The following ELMO1 variants were observed in gnomAD, a reference collection of about 807,000 sequenced individuals.
The protein encoded by ELMO1 is engulfment and cell motility 1.
A neutral mutation model predicts 98.9 loss-of-function variants in ELMO1; 26 were observed. The ratio of observed to expected loss-of-function variants is 0.26; its 90% CI spans 0.19 to 0.36. ELMO1 has a LOEUF of 0.36. Ranked by LOEUF, ELMO1 falls within the 10% of genes least tolerant of loss-of-function variation. The pLI is 1.00. For synonymous variants in ELMO1, 346 were observed against 346.0 expected, an observed-to-expected ratio of 1.00 and a Z score of 0.00; for missense variants, 627 against 935.2, an observed-to-expected ratio of 0.67 and a Z score of 4.30.
At chr7:36,933,331 A>G (rs538405724) in intron 16 of ELMO1, among the ~76,000 whole-genome samples, 22 of 152,306 alleles carry the variant, frequency 1.4e-4, no homozygotes, top group Non-Finnish European at 2.4e-4. Flanking sequence ...CCCAGACAGG[A>G]AGAACTAGTC....
chr7:37,113,877 G>C (rs1281414668), intron 14 of ELMO1, among the ~76,000 whole-genome samples: 2 of 152,192 alleles, frequency 1.3e-5, no homozygotes, highest in Non-Finnish European at 2.9e-5. Context: ...AAGCCAAAAA[G>C]GGAGGCCTCA....
At position 37,280,949 on chromosome 7, in the gene ELMO1, C is replaced by T. The variant is rs574519034; in HGVS notation, c.193-9067G>A. ...CACAATAGCAAAATCATGGAACCAA[C>T]CCAAATGCCCATCATCAACGAATGG... On this transcript the variant is annotated intron_variant, in intron 4 of 21. Coordinates refer to ENST00000310758, the MANE Select transcript of ELMO1 (RefSeq NM_014800.11). Among the ~76,000 whole-genome samples, 489 of 114,240 alleles carry T rather than the reference C, an allele frequency of 4.3e-3. 2 individuals are homozygous for T. Among genetic ancestry groups the T allele is most frequent in the Non-Finnish European group, 6.4e-3 (329 of 51,070 alleles). 74.9% of individuals were successfully genotyped at this position (114,240 alleles called of 152,430 possible).
At chr7:37,274,626 C>T (rs1400738571) in intron 4 of ELMO1, among the ~76,000 whole-genome samples, 1 of 152,150 alleles carries the variant, frequency 6.6e-6, no homozygotes, top group East Asian at 1.9e-4. Flanking sequence ...GATCTGGGCT[C>T]ACTGTAACCT....
chr7:36,917,973 AT>A (rs369519905), intron 16 of ELMO1, among the ~76,000 whole-genome samples: 1 of 152,362 alleles, frequency 6.6e-6, no homozygotes, highest in African/African-American at 2.4e-5. Flanking sequence ...CTTACTTTCT[AT>A]ATAGTCTATA....
At chr7:37,147,832 G>GA (rs34146164) in intron 13 of ELMO1, among the ~76,000 whole-genome samples, 8,543 of 133,240 alleles carry the variant, frequency 0.064, 308 homozygotes, top group East Asian at 0.14. Context: ...AGAAAAGTTG[G>GA]AAAAAAAAAA....
chr7:37,422,412 T>A (rs1030408382), intron 1 of ELMO1, among the ~76,000 whole-genome samples: 1 of 152,202 alleles, frequency 6.6e-6, no homozygotes, highest in African/African-American at 2.4e-5. Context: ...CCCCAAAAAA[T>A]CTGTGCTTCG....
At chr7:36,907,184 G>A (rs1784025486) in intron 16 of ELMO1, among the ~76,000 whole-genome samples, 1 of 152,104 alleles carries the variant, frequency 6.6e-6, no homozygotes, top group African/African-American at 2.4e-5. Flanking sequence ...CTTCATGAAG[G>A]CCAGGGACGA....
At chr7:37,302,482 T>C (rs866679425) in intron 4 of ELMO1, among the ~76,000 whole-genome samples, 27 of 152,188 alleles carry the variant, frequency 1.8e-4, no homozygotes, top group Middle Eastern at 3.4e-3. Context: ...ATTGCCACCA[T>C]GCTGTGGGGA....
At chr7:36,953,158 G>A (rs551991409) in intron 16 of ELMO1, among the ~76,000 whole-genome samples, 70 of 151,678 alleles carry the variant, frequency 4.6e-4, no homozygotes, top group Non-Finnish European at 8.1e-4. Context: ...AGTAGAGATG[G>A]GGTTTCACCA....
chr7:37,072,115 C>T (rs1051751169), intron 15 of ELMO1, among the ~76,000 whole-genome samples: 3 of 152,080 alleles, frequency 2.0e-5, no homozygotes, highest in Non-Finnish European at 4.4e-5. Context: ...TATAGGCTTT[C>T]GGCAATTCAA....
intron 4 of ELMO1, among the ~76,000 whole-genome samples, chr7:37,278,113 CTTTTTTTTT>C (rs36110041): frequency 1.2e-5 from 1 of 85,608 alleles, no homozygotes; most frequent in African/African-American, 4.7e-5. Context: ...ATAGCTTTTC[CTTTTTTTTT>C]TTTTTTTTTT....
intron 1 of ELMO1, among the ~76,000 whole-genome samples, chr7:37,399,503 C>T (rs1385205813): frequency 1.3e-5 from 2 of 152,186 alleles, no homozygotes; most frequent in Admixed American, 6.5e-5. Flanking sequence ...GCCCAGCACA[C>T]GCAGGGTGGG....
chr7:37,218,254 A>G (rs376213222), intron 10 of ELMO1, among the ~76,000 whole-genome samples: 2 of 152,246 alleles, frequency 1.3e-5, no homozygotes, highest in East Asian at 3.8e-4. Flanking sequence ...TATAAAATTT[A>G]AAGTTAGAAG....
chr7:36,995,506 CAA>C (rs370173470), intron 16 of ELMO1, among the ~76,000 whole-genome samples: 2 of 120,662 alleles, frequency 1.7e-5, no homozygotes, highest in African/African-American at 3.0e-5. Flanking sequence ...GACTCTGTCT[CAA>C]AAAAAAAAAA....
intron 15 of ELMO1, among the ~76,000 whole-genome samples, chr7:37,072,252 T>TC (rs1262095213): frequency 6.6e-6 from 1 of 152,116 alleles, no homozygotes; most frequent in Non-Finnish European, 1.5e-5. Flanking sequence ...CCCCCACAAT[T>TC]CCCGCGTGTT....
chr7:37,154,528 T>G (rs1446273754), intron 13 of ELMO1, among the ~76,000 whole-genome samples: 1 of 152,116 alleles, frequency 6.6e-6, no homozygotes, highest in Non-Finnish European at 1.5e-5. Context: ...TACACAAGCT[T>G]CAATAGCCGA....
chr7:37,434,001 C>G (rs1231719440), intron 1 of ELMO1, among the ~76,000 whole-genome samples: 2 of 152,016 alleles, frequency 1.3e-5, no homozygotes, highest in Non-Finnish European at 2.9e-5. Flanking sequence ...AGTAAAATAT[C>G]AGAGACACAC....
chr7:36,908,933 A>AT (rs761584311), intron 16 of ELMO1, among the ~76,000 whole-genome samples: 1 of 152,324 alleles, frequency 6.6e-6, no homozygotes, highest in South Asian at 2.1e-4. Context: ...CTTTAAACTC[A>AT]TTACATTGTC....
At chr7:37,418,658 T>C (rs996068076) in intron 1 of ELMO1, among the ~76,000 whole-genome samples, 1 of 152,174 alleles carries the variant, frequency 6.6e-6, no homozygotes, top group Admixed American at 6.5e-5. Context: ...TCAGCTCAGA[T>C]AACCTCGGTC....
Sources: gnomAD v4.1 joint callset for allele counts (sites outside exome capture counted in the v4.1 genomes callset) on GRCh38, gnomAD v4.1.1 for gene constraint, MANE v1.5 for transcripts, NCBI Gene and HGNC (gene_info 2026-07-23, HGNC 2026-07-21) for gene names.